Variants in GAB1 observed in about 807,000 individuals in gnomAD.
GAB1 encodes GRB2 associated binding protein 1.
A neutral mutation model predicts 66.5 loss-of-function variants in GAB1; 19 were observed. That is an observed-to-expected ratio of 0.29 (90% CI 0.20 to 0.42). The LOEUF (loss-of-function observed/expected upper bound fraction) is 0.42. GAB1 is among the 10% of genes least tolerant of loss of function. The pLI is 1.00. For synonymous variants in GAB1, 294 were observed against 301.4 expected, an observed-to-expected ratio of 0.98 and a Z score of 0.25; for missense variants, 732 against 858.5, an observed-to-expected ratio of 0.85 and a Z score of 1.84.
chr4:143,447,151 T>C (rs1165863319), intron 6 of GAB1, among the ~76,000 whole-genome samples: 1 of 152,012 alleles, frequency 6.6e-6, no homozygotes, highest in Non-Finnish European at 1.5e-5. Flanking sequence ...TCCATTGATC[T>C]ATATCTCTGT....
At position 143,469,277 on chromosome 4, in the gene GAB1, G is replaced by A; in HGVS notation, c.*88G>A. 1 of 1,340,562 alleles carries A rather than the reference G, an allele frequency of 7.5e-7. No individual in the cohort carries two copies. The highest frequency in any genetic ancestry group is 1.0e-6 in the Non-Finnish European group (1 of 974,550). The allele number at this position is 1,340,562 out of a possible 1,614,324, so 83.0% of individuals were successfully genotyped here. A position where few individuals can be genotyped will look rare whatever the true frequency, so the allele number is the denominator to read the frequency against. ...AGAATGACTTGACACTTCCACTCTA[G>A]GTAGATCCTCAAATGAGTAGAGTTG... On this transcript the variant is annotated 3_prime_UTR_variant, in exon 10 of 10. Coordinates refer to ENST00000262994, the MANE Select transcript of GAB1 (RefSeq NM_002039.4).
In GAB1 at chr4:143,343,671, G is replaced by C. The variant is rs141163256; in HGVS notation, c.72+6411G>C. ...GTTGCCAAATGAAAGTTTAGAGTGA[G>C]AACAGGGGATGCAGGGGTACGAGAT... On this transcript the variant is annotated intron_variant, in intron 1 of 9. Coordinates refer to ENST00000262994, the MANE Select transcript of GAB1 (RefSeq NM_002039.4). 3 of 154,940 alleles carry C rather than the reference G, an allele frequency of 1.9e-5. No individual in the cohort carries two copies. The East Asian group carries it at 5.8e-4, about 30-fold the overall frequency. 9.6% of individuals were successfully genotyped at this position (154,940 alleles called of 1,614,324 possible). A position where few individuals can be genotyped will look rare whatever the true frequency, so the allele number is the denominator to read the frequency against.
chr4:143,402,255 A>T (rs184701484), intron 1 of GAB1, among the ~76,000 whole-genome samples: 28 of 152,318 alleles, frequency 1.8e-4, no homozygotes, highest in Admixed American at 1.4e-3. Context: ...TAACTGCCCT[A>T]GGCGATCCAG....
At chr4:143,452,136 TTCTC>T (rs1391578098) in intron 6 of GAB1, among the ~76,000 whole-genome samples, 1 of 152,150 alleles carries the variant, frequency 6.6e-6, no homozygotes, top group Non-Finnish European at 1.5e-5. Context: ...TAGAGACGGT[TTCTC>T]ACTATGTTGC....
intron 8 of GAB1, among the ~76,000 whole-genome samples, chr4:143,464,062 C>T (rs542161373): frequency 6.6e-6 from 1 of 152,260 alleles, no homozygotes; most frequent in Non-Finnish European, 1.5e-5. Flanking sequence ...ACTTTTCACA[C>T]ACTCATGGCT....
intron 6 of GAB1, among the ~76,000 whole-genome samples, chr4:143,453,871 C>A (rs1411962406): frequency 3.3e-5 from 5 of 152,116 alleles, no homozygotes; most frequent in African/African-American, 4.8e-5. Context: ...ATTAAAATTT[C>A]TTTTAAATTG....
In GAB1 at chr4:143,433,526, C is replaced by G; in HGVS notation, c.403C>G (p.Pro135Ala). The G allele has an allele frequency of 6.2e-7, 1 of 1,613,954 alleles. No individual in the cohort carries two copies. The highest frequency in any genetic ancestry group is 1.1e-5 in the South Asian group (1 of 91,080). ...VKPPGSSLQA[P>A]ADLPLAINTA... ...GCCACCTGGCAGCTCTTTACAAGCACCAGCTGATTTACCTTTAGCTATAAA... is the reference window on the plus strand; with the variant it reads ...GCCACCTGGCAGCTCTTTACAAGCAGCAGCTGATTTACCTTTAGCTATAAA... The change falls in exon 3 of 10, where the codon CCA becomes GCA. Residue 135 changes from proline to alanine, a missense_variant. Transcript: ENST00000262994.
intron 1 of GAB1, among the ~76,000 whole-genome samples, chr4:143,355,324 T>C (rs910164610): frequency 6.6e-6 from 1 of 152,196 alleles, no homozygotes; most frequent in Non-Finnish European, 1.5e-5. Context: ...TGCTGTGATT[T>C]CCAGCATTCA....
intron 8 of GAB1, 39 bp downstream of exon 8, chr4:143,460,526 T>G (rs761797637): frequency 1.9e-6 from 3 of 1,593,610 alleles, no homozygotes; most frequent in Non-Finnish European, 2.6e-6. Flanking sequence ...TGAGCAGCCC[T>G]TTTCAGTCAT....
chr4:143,455,654 C>T (rs1338105375), intron 6 of GAB1, among the ~76,000 whole-genome samples: 1 of 152,174 alleles, frequency 6.6e-6, no homozygotes, highest in Non-Finnish European at 1.5e-5. Flanking sequence ...CTCTCTGTGG[C>T]ATTCACGTAG....
rs749922991 is a variant in GAB1, at chr4:143,466,052, G to A, written c.1804-51G>A. 4 of 1,603,054 alleles carry A rather than the reference G, an allele frequency of 2.5e-6. No homozygotes were observed. The East Asian group carries it at 9.0e-5, about 36-fold the overall frequency. ...TCCGTAGATGTTCAACAGTACGAGTGGTATGTCTGGTGAATGTCTGACCGT... is the reference window on the plus strand; with the variant it reads ...TCCGTAGATGTTCAACAGTACGAGTAGTATGTCTGGTGAATGTCTGACCGT... On this transcript the variant is annotated intron_variant, in intron 8 of 9. Coordinates refer to ENST00000262994, the MANE Select transcript of GAB1 (RefSeq NM_002039.4).
intron 3 of GAB1, chr4:143,434,133 A>C: frequency 7.7e-7 from 1 of 1,291,286 alleles, no homozygotes; most frequent in Non-Finnish European, 1.0e-6. Flanking sequence ...AATACCTTCT[A>C]CTAGAAGATT....
intron 1 of GAB1, among the ~76,000 whole-genome samples, chr4:143,387,589 C>CTGCA: frequency 1.3e-5 from 2 of 152,294 alleles, no homozygotes; most frequent in Non-Finnish European, 2.9e-5. Flanking sequence ...TTCCCTCTTC[C>CTGCA]TGCAGCTCAC....
At chr4:143,409,876 T>G (rs1732274704) in intron 1 of GAB1, among the ~76,000 whole-genome samples, 1 of 152,116 alleles carries the variant, frequency 6.6e-6, no homozygotes, top group African/African-American at 2.4e-5. Context: ...TTTTGTTTTG[T>G]TTTGTTTTTG....
At chr4:143,422,231 AT>A (rs1224306853) in intron 2 of GAB1, among the ~76,000 whole-genome samples, 1 of 152,208 alleles carries the variant, frequency 6.6e-6, no homozygotes, top group African/African-American at 2.4e-5. Context: ...AGAAAGAAAA[AT>A]TATTAAGCAC....
intron 1 of GAB1, among the ~76,000 whole-genome samples, chr4:143,406,104 T>G (rs1321580816): frequency 6.6e-6 from 1 of 152,200 alleles, no homozygotes; most frequent in East Asian, 1.9e-4. Flanking sequence ...TTTTCTAGGA[T>G]GTGGGACTTG....
At chr4:143,386,251 C>A (rs1195976557) in intron 1 of GAB1, among the ~76,000 whole-genome samples, 2 of 152,080 alleles carry the variant, frequency 1.3e-5, no homozygotes, top group Non-Finnish European at 2.9e-5. Flanking sequence ...AGAAGTATTT[C>A]CGATTTCAGA....
chr4:143,440,945 C>G (rs1734195694), intron 6 of GAB1, among the ~76,000 whole-genome samples: 1 of 152,174 alleles, frequency 6.6e-6, no homozygotes. Context: ...TATATAATAT[C>G]AAATCAGACT....
chr4:143,369,083 G>T (rs1198150329), intron 1 of GAB1, among the ~76,000 whole-genome samples: 3 of 152,164 alleles, frequency 2.0e-5, no homozygotes, highest in African/African-American at 7.2e-5. Context: ...AGGATTACAG[G>T]TGTGCACCAC....
Sources: allele counts gnomAD v4.1 joint callset (sites outside exome capture counted in the v4.1 genomes callset), GRCh38; gene constraint gnomAD v4.1.1; transcripts MANE v1.5; gene names NCBI Gene and HGNC (gene_info 2026-07-23, HGNC 2026-07-21).